The following PCBP3 variants were observed in gnomAD, a reference collection of about 807,000 sequenced individuals.
PCBP3 encodes poly(rC)-binding protein 3.
In PCBP3, 25 loss-of-function variants were observed where a neutral mutation model predicts 52.7. That is an observed-to-expected ratio of 0.47 (90% CI 0.35 to 0.66). The LOEUF (loss-of-function observed/expected upper bound fraction) is 0.66, where lower values mean the gene tolerates loss of function less well. Ranked by LOEUF, PCBP3 falls within the 30% of genes least tolerant of loss-of-function variation. The probability of loss-of-function intolerance (pLI) is 0.01; values close to 1 mark genes in which losing one functional copy is unlikely to be tolerated. For synonymous variants in PCBP3, 162 were observed against 183.0 expected (o/e 0.89, Z 0.93); for missense variants, 391 against 490.3 (o/e 0.80, Z 1.91).
At chr21:45,651,129 C>G (rs749518149) in intron 1 of PCBP3, among the ~76,000 whole-genome samples, 1 of 152,148 alleles carries the variant, frequency 6.6e-6, no homozygotes, top group Non-Finnish European at 1.5e-5. Context: ...AAATTCGTGA[C>G]TCACAGAAAC....
At chr21:45,717,284 A>T (rs2084288265) in intron 2 of PCBP3, among the ~76,000 whole-genome samples, 1 of 152,016 alleles carries the variant, frequency 6.6e-6, no homozygotes, top group Non-Finnish European at 1.5e-5. Flanking sequence ...CTCCAAATAG[A>T]GATATTTGTA....
In PCBP3 at chr21:45,940,167, C is replaced by T. The variant is rs1188058524; in HGVS notation, c.1047C>T (p.Asn349=). The T allele has an allele frequency of 4.3e-6, 7 of 1,614,050 alleles. No individual in the cohort carries two copies. The highest frequency in any genetic ancestry group is 2.2e-5 in the South Asian group (2 of 91,080). Residue 349 remains asparagine (N), a synonymous_variant, in exon 17 of 18, where the codon AAC becomes AAT. Coordinates refer to ENST00000681687, the MANE Select transcript of PCBP3 (RefSeq NM_001384156.1). ...RQITITGTPA[N]ISLAQYLINA... Reference sequence around the variant, plus strand: ...TCACCATCACGGGGACCCCGGCCAACATCAGCCTTGCCCAGTATCTCATCA... The same window carrying T: ...TCACCATCACGGGGACCCCGGCCAATATCAGCCTTGCCCAGTATCTCATCA...
At chr21:45,651,987 C>T (rs1043592999) in intron 1 of PCBP3, among the ~76,000 whole-genome samples, 2 of 152,148 alleles carry the variant, frequency 1.3e-5, no homozygotes, top group African/African-American at 2.4e-5. Context: ...TATTTATAGA[C>T]GCATTTGTGT....
At chr21:45,909,222 CTTTG>C in intron 9 of PCBP3, 129 bp from the exon 10 acceptor site, 1 of 969,672 alleles carries the variant, frequency 1.0e-6, no homozygotes, top group Non-Finnish European at 1.5e-6. Context: ...GGCCTGGCCA[CTTTG>C]TCCTCGGCTG....
At position 45,802,093 on chromosome 21, in the gene PCBP3, G is replaced by A. The variant is rs771757520; in HGVS notation, c.-126+46641G>A. On this transcript the variant is annotated intron_variant, in intron 4 of 17. Transcript: ENST00000681687. This position sits in a 1 kb window ranked among gnomAD's most constrained non-coding sequence, Gnocchi z 5.1. ...GTGACTTCTGGGCTGGGTGGTTAGC[G>A]GGGCTCCCTCCTTTACCCTCAGACC... Among the ~76,000 whole-genome samples, 2 of 152,152 alleles carry A rather than the reference G, an allele frequency of 1.3e-5. No individual in the cohort carries two copies. Among genetic ancestry groups the A allele is most frequent in the Non-Finnish European group, 2.9e-5 (2 of 68,018 alleles).
Position 45,829,375 on chromosome 21 carries a change from C to G in PCBP3, c.-125-20586C>G, listed in dbSNP as rs2093388901. The stretch of plus-strand genomic sequence containing the variant: ...ACACCCTCAGCACACTGGCATAGCT[C>G]CCTGCACAGGGAGCCCGGGACCAGG... On this transcript the variant is annotated intron_variant, in intron 4 of 17. Transcript: ENST00000681687. The surrounding 1 kb of genome is among the most constrained non-coding windows in gnomAD (Gnocchi z 5.2). 6.6e-6 allele frequency: 1 copy of G among 152,204 alleles called. No individual in the cohort carries two copies. Among genetic ancestry groups the G allele is most frequent in the Non-Finnish European group, 1.5e-5 (1 of 68,088 alleles). The allele number at this position is 152,204 out of a possible 1,614,324, so 9.4% of individuals were successfully genotyped here.
intron 16 of PCBP3, among the ~76,000 whole-genome samples, chr21:45,939,192 C>T (rs553153092): frequency 3.9e-5 from 6 of 152,364 alleles, no homozygotes; most frequent in South Asian, 4.1e-4. Context: ...GGTCTGGCCA[C>T]GTCTCTTTCC....
chr21:45,667,075 G>GTTCTTTCTTTCTTTCCTTCTTTCTTTCT (rs1555900590), intron 1 of PCBP3, among the ~76,000 whole-genome samples: 1 of 147,552 alleles, frequency 6.8e-6, no homozygotes, highest in Non-Finnish European at 1.5e-5. Context: ...GCATCTGTTT[G>GTTCTTTCTTTCTTTCCTTCTTTCTTTCT]TTCTTTCTTT....
intron 5 of PCBP3, among the ~76,000 whole-genome samples, chr21:45,893,006 C>T (rs891061292): frequency 1.3e-5 from 2 of 151,420 alleles, no homozygotes; most frequent in South Asian, 2.1e-4. Flanking sequence ...AGAGGGGAGC[C>T]GATAATAACA....
intron 5 of PCBP3, among the ~76,000 whole-genome samples, chr21:45,855,423 G>A (rs970239375): frequency 6.6e-6 from 1 of 151,844 alleles, no homozygotes; most frequent in Non-Finnish European, 1.5e-5. Context: ...CCATGGGGTG[G>A]ACTGCTGCCC....
chr21:45,665,302 G>A (rs1000617598), intron 1 of PCBP3, among the ~76,000 whole-genome samples: 1 of 151,936 alleles, frequency 6.6e-6, no homozygotes, highest in African/African-American at 2.4e-5. Flanking sequence ...TAGCTCCTTG[G>A]GGGGCTGAGG....
intron 3 of PCBP3, chr21:45,750,333 G>GTGATGGCTGTAA (rs2146298167): frequency 6.6e-6 from 1 of 150,590 alleles, no homozygotes; most frequent in African/African-American, 2.4e-5. Context: ...CGTCTTTACT[G>GTGATGGCTGTAA]TGATGGCTGT....
chr21:45,878,317 T>A (rs1171500120), intron 5 of PCBP3, among the ~76,000 whole-genome samples: 4 of 152,240 alleles, frequency 2.6e-5, no homozygotes, highest in Non-Finnish European at 5.9e-5. Context: ...CTGTTTCGTG[T>A]CTCTGCCCTT....
chr21:45,731,815 A>G (rs994673702), intron 2 of PCBP3, among the ~76,000 whole-genome samples: 2 of 152,124 alleles, frequency 1.3e-5, no homozygotes, highest in African/African-American at 4.8e-5. Flanking sequence ...TGGCTATTAC[A>G]TTATGCCCTT....
chr21:45,678,304 T>C (rs1043733195), intron 2 of PCBP3, among the ~76,000 whole-genome samples: 5 of 134,610 alleles, frequency 3.7e-5, no homozygotes, highest in Admixed American at 1.5e-4. Context: ...AGACTCCATC[T>C]CAAAAAAAAA....
intron 4 of PCBP3, among the ~76,000 whole-genome samples, chr21:45,815,198 T>G (rs1460430445): frequency 1.9e-5 from 1 of 51,586 alleles, no homozygotes; most frequent in Non-Finnish European, 3.7e-5. Flanking sequence ...TGGTGAGTGG[T>G]GAGTGAGTGA....
chr21:45,841,365 C>G (rs2093696363), intron 4 of PCBP3, among the ~76,000 whole-genome samples: 2 of 151,482 alleles, frequency 1.3e-5, no homozygotes, highest in African/African-American at 4.9e-5. Context: ...CCTGTGCCTT[C>G]TGTGATGTCT....
chr21:45,772,289 T>G (rs1446969211), intron 4 of PCBP3, among the ~76,000 whole-genome samples: 2 of 152,174 alleles, frequency 1.3e-5, no homozygotes, highest in Non-Finnish European at 1.5e-5. Flanking sequence ...TTTTTTAGCT[T>G]CTACATATAG....
intron 2 of PCBP3, among the ~76,000 whole-genome samples, chr21:45,687,748 G>T (rs1167034572): frequency 3.9e-4 from 55 of 142,520 alleles, no homozygotes; most frequent in African/African-American, 1.0e-3. Context: ...TTTTTTTTTT[G>T]AGATGGAGTC....
Sources: gnomAD v4.1 joint callset for allele counts (sites outside exome capture counted in the v4.1 genomes callset) on GRCh38, gnomAD v4.1.1 for gene constraint, Gnocchi (gnomAD v3.1) non-coding constraint, MANE v1.5 for transcripts, NCBI Gene and HGNC (gene_info 2026-07-23, HGNC 2026-07-21) for gene names.